The following SPEN variants were observed in gnomAD, a reference collection of about 807,000 sequenced individuals.
SPEN encodes the protein spen family transcriptional repressor, also known as msx2-interacting protein.
Under a neutral mutation model 269.9 loss-of-function variants are expected in SPEN, and 18 were observed. The ratio of observed to expected loss-of-function variants is 0.07; its 90% CI spans 0.05 to 0.10. The LOEUF (loss-of-function observed/expected upper bound fraction) is 0.10, where lower values mean the gene tolerates loss of function less well. Ranked by LOEUF, SPEN falls within the 10% of genes least tolerant of loss-of-function variation. The pLI is 1.00. For synonymous variants in SPEN, 1,726 were observed against 1,765.7 expected, an observed-to-expected ratio of 0.98 and a Z score of 0.56; for missense variants, 3,822 against 4,631.2, an observed-to-expected ratio of 0.83 and a Z score of 5.07.
chr1:15,937,326 C>A lies in SPEN; in HGVS notation c.10190C>A (p.Thr3397Lys). Reference sequence around the variant, plus strand: ...TCCCAGGAGGCAAAGGGGACCCAGACGGGAGTAGAGCAGCCTCGCCTCCCA... The same window carrying A: ...TCCCAGGAGGCAAAGGGGACCCAGAAGGGAGTAGAGCAGCCTCGCCTCCCA... ...QVSQEAKGTQ[T>K]GVEQPRLPAG... Residue 3397 changes from threonine (T) to lysine (K), a missense_variant, in exon 12 of 15, where the codon ACG becomes AAG. This residue lies in a region of SPEN where 359 missense variants were observed against 377.3 expected (regional missense o/e 0.95). Coordinates refer to ENST00000375759, the MANE Select transcript of SPEN (RefSeq NM_015001.3). The surrounding 1 kb of genome is among the most constrained non-coding windows in gnomAD (Gnocchi z 5.7). 6.2e-7 allele frequency: 1 copy of A among 1,613,938 alleles called. No homozygotes were observed. The highest frequency in any genetic ancestry group is 8.5e-7 in the Non-Finnish European group (1 of 1,180,002).
Position 15,935,590 on chromosome 1 carries a change from T to A in SPEN, c.9350T>A (p.Leu3117His). The A allele has an allele frequency of 6.2e-7, 1 of 1,614,044 alleles. No homozygotes were observed. Among genetic ancestry groups the A allele is most frequent in the Non-Finnish European group, 8.5e-7 (1 of 1,179,992 alleles). Residue 3117 changes from leucine to histidine, a missense_variant, in exon 11 of 15, where the codon CTT (leucine) becomes CAT (histidine). By Grantham distance (99) the Leu-to-His change is moderately conservative. Transcript: ENST00000375759. This position sits in a 1 kb window ranked among gnomAD's most constrained non-coding sequence, Gnocchi z 7.7. ...SITYSIRPEA[L>H]HSPRAPLQPQ... ...ACCTACAGCATCCGGCCAGAAGCGC[T>A]TCACTCTCCTCGGGCTCCGCTGCAG...
intron 3 of SPEN, among the ~76,000 whole-genome samples, chr1:15,908,567 C>T (rs576756650): frequency 2.6e-5 from 4 of 152,022 alleles, no homozygotes; most frequent in Non-Finnish European, 4.4e-5. Flanking sequence ...GGACTGCAGG[C>T]GCACGCCACC....
intron 3 of SPEN, among the ~76,000 whole-genome samples, chr1:15,886,201 T>C (rs1453056831): frequency 1.3e-5 from 2 of 152,208 alleles, no homozygotes; most frequent in Non-Finnish European, 2.9e-5. Context: ...TGGAAACAAG[T>C]ACTGGGCTGA....
intron 3 of SPEN, among the ~76,000 whole-genome samples, chr1:15,884,551 A>T (rs1474827529): frequency 6.6e-6 from 1 of 152,090 alleles, no homozygotes; most frequent in Non-Finnish European, 1.5e-5. Context: ...CTCTTTTTTT[A>T]AAAACAGGTA....
rs561759605 is a variant in SPEN, at chr1:15,930,419, C to T, written c.4179C>T (p.Pro1393=). 8 of 1,614,160 alleles carry T rather than the reference C, an allele frequency of 5.0e-6. No homozygotes were observed. In the African/African-American group the frequency reaches 1.1e-4, roughly 22 times the overall value. The change falls in exon 11 of 15, where the codon CCC becomes CCT. Residue 1393 remains proline (P), a synonymous_variant. Coordinates refer to ENST00000375759, the MANE Select transcript of SPEN (RefSeq NM_015001.3). This position sits in a 1 kb window ranked among gnomAD's most constrained non-coding sequence, Gnocchi z 5.3. ...DEDGEHKSHS[P]RASALYESSR... ...ATGGTGAACACAAATCCCACTCACCCAGAGCCTCTGCATTATATGAAAGTT... is the reference window on the plus strand; with the variant it reads ...ATGGTGAACACAAATCCCACTCACCTAGAGCCTCTGCATTATATGAAAGTT...
intron 1 of SPEN, among the ~76,000 whole-genome samples, chr1:15,858,530 A>G (rs1172523353): frequency 6.6e-6 from 1 of 152,220 alleles, no homozygotes; most frequent in Non-Finnish European, 1.5e-5. Context: ...TGAGGTTTGC[A>G]TAAGTACGCC....
intron 2 of SPEN, among the ~76,000 whole-genome samples, chr1:15,875,330 C>T (rs1023926499): frequency 1.1e-4 from 17 of 152,002 alleles, no homozygotes; most frequent in African/African-American, 3.9e-4. Flanking sequence ...CTTATAGTTC[C>T]TAATGTTACC....
intron 3 of SPEN, among the ~76,000 whole-genome samples, chr1:15,883,707 G>A (rs2148715150): frequency 6.7e-6 from 1 of 150,062 alleles, no homozygotes; most frequent in African/African-American, 2.5e-5. Context: ...TGCACAACCT[G>A]TCTGTATATT....
rs1252524754 is a variant in SPEN at position 15,935,380 on chromosome 1, C to G, written c.9140C>G (p.Ser3047Cys). The G allele has an allele frequency of 6.2e-7, 1 of 1,614,148 alleles. No homozygotes were observed. The highest frequency in any genetic ancestry group is 8.5e-7 in the Non-Finnish European group (1 of 1,180,028). ...PRASHPSSTA[S>C]TALSTNATVM... Reference sequence around the variant, plus strand: ...GCAAGCCACCCCAGCAGTACTGCATCTACGGCGCTCTCCACCAACGCCACA... The same window carrying G: ...GCAAGCCACCCCAGCAGTACTGCATGTACGGCGCTCTCCACCAACGCCACA... The change falls in exon 11 of 15, where the codon TCT becomes TGT. Residue 3047 changes from serine (S) to cysteine (C), a missense_variant. Transcript: ENST00000375759. The surrounding 1 kb of genome is among the most constrained non-coding windows in gnomAD (Gnocchi z 7.7).
intron 11 of SPEN, 90 bp downstream of exon 11, chr1:15,936,356 A>C: frequency 7.0e-7 from 1 of 1,437,770 alleles, no homozygotes; most frequent in South Asian, 1.6e-5. Flanking sequence ...GAAAGAAATC[A>C]GGGGCCAGGT....
At chr1:15,892,661 G>A (rs1351132140) in intron 3 of SPEN, among the ~76,000 whole-genome samples, 1 of 152,078 alleles carries the variant, frequency 6.6e-6, no homozygotes, top group African/African-American at 2.4e-5. Context: ...TTTCCAGGGT[G>A]GCTGAGGGAA....
intron 1 of SPEN, among the ~76,000 whole-genome samples, chr1:15,866,263 G>A (rs751935997): frequency 6.6e-5 from 10 of 152,140 alleles, no homozygotes; most frequent in Non-Finnish European, 1.2e-4. Flanking sequence ...GGGATTCTCC[G>A]TATCTTTTGC....
chr1:15,914,525 G>C (rs774839384), intron 5 of SPEN, among the ~76,000 whole-genome samples: 2 of 152,124 alleles, frequency 1.3e-5, no homozygotes, highest in Non-Finnish European at 1.5e-5. Flanking sequence ...CATTGCTTTT[G>C]ACCATAAAAA....
chr1:15,937,364 A>G lies in SPEN; in HGVS notation c.10228A>G (p.Asn3410Asp). 2 of 1,613,964 alleles carry G rather than the reference A, an allele frequency of 1.2e-6. No individual in the cohort carries two copies. The highest frequency in any genetic ancestry group is 1.7e-6 in the Non-Finnish European group (2 of 1,180,006). ...EQPRLPAGPA[N>D]RPPEPHTQVQ... is the part of the protein sequence containing the mutation. ...GCCTCGCCTCCCAGCTGGACCTGCAAACAGGCCACCTGAGCCTCACACCCA... is the reference window on the plus strand; with the variant it reads ...GCCTCGCCTCCCAGCTGGACCTGCAGACAGGCCACCTGAGCCTCACACCCA... Residue 3410 changes from asparagine (N) to aspartate (D), a missense_variant, in exon 12 of 15, where the codon AAC becomes GAC. By Grantham distance (23) the Asn-to-Asp change is conservative (BLOSUM62 1). Transcript: ENST00000375759. The surrounding 1 kb of genome is among the most constrained non-coding windows in gnomAD (Gnocchi z 5.7).
intron 3 of SPEN, among the ~76,000 whole-genome samples, chr1:15,904,349 C>T (rs1224898172): frequency 6.8e-6 from 1 of 148,076 alleles, no homozygotes; most frequent in East Asian, 2.1e-4. Context: ...TGGCGGCCAA[C>T]AAACTACTTG....
rs530193170 is a variant in SPEN, at chr1:15,931,196, A to G, written c.4956A>G (p.Ser1652=). The G allele has an allele frequency of 2.0e-5, 32 of 1,614,238 alleles. No individual in the cohort carries two copies. The South Asian group carries it at 2.7e-4, about 14-fold the overall frequency. ...TCGTAACTCTAGAATCAGCCCCATC[A>G]GCACTAGAGAAGACCACTGGTGACA... ...VTVVTLESAP[S]ALEKTTGDKT... Residue 1652 remains serine, a synonymous_variant, in exon 11 of 15, where the codon TCA becomes TCG. Transcript: ENST00000375759. The surrounding 1 kb of genome is among the most constrained non-coding windows in gnomAD (Gnocchi z 4.8).
At chr1:15,938,058 C>T (rs1419602906) in intron 13 of SPEN, 52 bp downstream of exon 13, 7 of 1,482,618 alleles carry the variant, frequency 4.7e-6, no homozygotes, top group East Asian at 2.3e-5. Flanking sequence ...GGGAGGAAGA[C>T]GTAGGTAGTC....
At chr1:15,898,173 TTGTGTGTG>T (rs58297957) in intron 3 of SPEN, among the ~76,000 whole-genome samples, 191 of 147,492 alleles carry the variant, frequency 1.3e-3, no homozygotes, top group East Asian at 0.011. Flanking sequence ...TAATTTATCT[TTGTGTGTG>T]TGTGTGTGTG....
intron 2 of SPEN, chr1:15,874,291 G>C (rs372162202): frequency 1.5e-5 from 20 of 1,366,332 alleles, no homozygotes; most frequent in Non-Finnish European, 1.8e-5. Flanking sequence ...CCATTAAGAA[G>C]GTGGATTACC....
Sources: allele counts gnomAD v4.1 joint callset (sites outside exome capture counted in the v4.1 genomes callset), GRCh38; gene constraint gnomAD v4.1.1; regional missense constraint gnomAD v4.1.1; non-coding constraint Gnocchi (gnomAD v3.1); transcripts MANE v1.5; gene names NCBI Gene and HGNC (gene_info 2026-07-23, HGNC 2026-07-21).